PRH1: variants seen among roughly 807,000 people sequenced by gnomAD.
The protein encoded by PRH1 is proline rich protein HaeIII subfamily 1.
In PRH1, 7 loss-of-function variants were observed where a neutral mutation model predicts 7.9. The ratio of observed to expected loss-of-function variants is 0.89; its 90% CI spans 0.50 to 1.67. The LOEUF (loss-of-function observed/expected upper bound fraction) is 1.67, where lower values mean the gene tolerates loss of function less well. Among genes scored for constraint, PRH1 ranks in the 40% most tolerant of loss-of-function variants. The pLI is 0.00. For missense variants in PRH1, 109 were observed against 223.6 expected, an observed-to-expected ratio of 0.49 and a Z score of 3.27; for synonymous variants, 45 against 80.8, an observed-to-expected ratio of 0.56 and a Z score of 2.38.
At chr12:11,071,795 G>T (rs2136209125) in intron 1 of PRH1, among the ~76,000 whole-genome samples, 1 of 152,242 alleles carries the variant, frequency 6.6e-6, no homozygotes, top group East Asian at 1.9e-4. Flanking sequence ...CTCTGTCATT[G>T]AGTCAGGGTC....
chr12:10,939,973 A>G (rs973294200), intron 2 of PRH1, among the ~76,000 whole-genome samples: 2 of 152,214 alleles, frequency 1.3e-5, no homozygotes, highest in African/African-American at 2.4e-5. Context: ...CTGATACCTC[A>G]TAAATGTATG....
intron 1 of PRH1, among the ~76,000 whole-genome samples, chr12:11,121,458 G>A (rs1945900867): frequency 6.6e-6 from 1 of 152,176 alleles, no homozygotes; most frequent in African/African-American, 2.4e-5. Flanking sequence ...CAGGGGCTCA[G>A]AGGTGGCTAA....
chr12:11,044,744 C>G (rs1049988626), intron 1 of PRH1, among the ~76,000 whole-genome samples: 9 of 152,070 alleles, frequency 5.9e-5, no homozygotes, highest in Non-Finnish European at 1.5e-5. Context: ...CAAACCAAAA[C>G]TAAAATGAGA....
At chr12:10,924,377 C>A (rs913033339) in intron 2 of PRH1, among the ~76,000 whole-genome samples, 6 of 152,128 alleles carry the variant, frequency 3.9e-5, no homozygotes, top group African/African-American at 1.4e-4. Flanking sequence ...TACTTTTTTC[C>A]TCACGATTCT....
chr12:10,882,942 G>T, intron 2 of PRH1, 119 bp downstream of exon 2: 1 of 1,456,794 alleles, frequency 6.9e-7, no homozygotes, highest in Non-Finnish European at 9.5e-7. Context: ...TTGTATCTTT[G>T]GGGCATTGGT....
downstream of PRH1, among the ~76,000 whole-genome samples, chr12:11,116,526 A>C (rs2136314616): frequency 6.6e-6 from 1 of 152,204 alleles, no homozygotes; most frequent in African/African-American, 2.4e-5. Context: ...ATCCTACACA[A>C]ACTATTCTGA....
chr12:11,143,147 G>A (rs902961106), intron 1 of PRH1, among the ~76,000 whole-genome samples: 20 of 152,036 alleles, frequency 1.3e-4, no homozygotes, highest in African/African-American at 4.8e-4. Context: ...AACCTTTGAA[G>A]ATATAGACAG....
chr12:11,003,326 T>C (rs1425864873), intron 1 of PRH1, among the ~76,000 whole-genome samples: 1 of 151,964 alleles, frequency 6.6e-6, no homozygotes, highest in African/African-American at 2.4e-5. Flanking sequence ...CTAACATATG[T>C]AGGGAAAGCA....
chr12:10,959,543 C>T (rs1938136136), intron 2 of PRH1, among the ~76,000 whole-genome samples: 1 of 151,990 alleles, frequency 6.6e-6, no homozygotes, highest in African/African-American at 2.4e-5. Context: ...GAGAAAAAAA[C>T]TTAAGAAATA....
At chr12:10,886,164 G>A (rs1949489322), upstream of PRH1, among the ~76,000 whole-genome samples, 1 of 152,192 alleles carries the variant, frequency 6.6e-6, no homozygotes, top group South Asian at 2.1e-4. Context: ...ATGCGTTATG[G>A]AGATTATTGT....
At chr12:11,042,176 G>T (rs1253309625) in intron 1 of PRH1, among the ~76,000 whole-genome samples, 2 of 151,696 alleles carry the variant, frequency 1.3e-5, no homozygotes, top group Non-Finnish European at 2.9e-5. Flanking sequence ...AAAGATCAAT[G>T]AAACAAAAAC....
intron 1 of PRH1, among the ~76,000 whole-genome samples, chr12:11,025,735 T>C (rs1047231732): frequency 1.3e-5 from 2 of 152,300 alleles, no homozygotes; most frequent in African/African-American, 2.4e-5. Context: ...TTCCCTTCTA[T>C]GCTTCATTCT....
chr12:11,141,798 G>A (rs1946710695), intron 1 of PRH1, among the ~76,000 whole-genome samples: 1 of 151,998 alleles, frequency 6.6e-6, no homozygotes, highest in African/African-American at 2.4e-5. Flanking sequence ...GTTTTGGGTG[G>A]AGGGAGGGAG....
At chr12:11,100,133 TTAA>T (rs1945192707) in intron 1 of PRH1, among the ~76,000 whole-genome samples, 1 of 152,088 alleles carries the variant, frequency 6.6e-6, no homozygotes, top group African/African-American at 2.4e-5. Flanking sequence ...ATCAAAAACT[TTAA>T]TATTAAAATT....
At chr12:11,146,224 C>T (rs1328793896) in intron 1 of PRH1, among the ~76,000 whole-genome samples, 1 of 151,484 alleles carries the variant, frequency 6.6e-6, no homozygotes, top group East Asian at 1.9e-4. Context: ...CATTTTTTTT[C>T]TTTCAGTCTT....
intron 1 of PRH1, among the ~76,000 whole-genome samples, chr12:11,151,050 T>C (rs1592111606): frequency 6.6e-6 from 1 of 152,192 alleles, no homozygotes; most frequent in African/African-American, 2.4e-5. Context: ...TGCCTCTTGC[T>C]GGGCTGGCTG....
At position 10,987,701 on chromosome 12, in the gene PRH1, C is replaced by A. The variant is rs1032630593; in HGVS notation, c.-125-13980G>T. ...AAACTGAGGGTTTTCAGACCCCCCCCAAAAAAATGTATCAAACATCAAACA... is the reference window on the plus strand; with the variant it reads ...AAACTGAGGGTTTTCAGACCCCCCCAAAAAAAATGTATCAAACATCAAACA... On this transcript the variant is annotated intron_variant, in intron 1 of 3. Transcript: ENST00000539853. 3.7e-4 allele frequency among the ~76,000 whole-genome samples: 56 copies of A among 151,920 alleles called. 1 individual carries two copies. The highest frequency in any genetic ancestry group is 8.2e-4 in the African/African-American group (34 of 41,390).
intron 1 of PRH1, among the ~76,000 whole-genome samples, chr12:11,145,086 A>G (rs988602105): frequency 4.6e-5 from 7 of 152,178 alleles, no homozygotes; most frequent in Non-Finnish European, 1.0e-4. Context: ...TAGAGCTGCA[A>G]TCTAGTCCTG....
chr12:11,112,787 G>A (rs1300234110), intron 1 of PRH1, among the ~76,000 whole-genome samples: 2 of 152,118 alleles, frequency 1.3e-5, no homozygotes, highest in Non-Finnish European at 2.9e-5. Context: ...CATAGTATTG[G>A]AAATTCTGGC....
Sources: gnomAD v4.1 joint callset for allele counts (sites outside exome capture counted in the v4.1 genomes callset) on GRCh38, gnomAD v4.1.1 for gene constraint, MANE v1.5 for transcripts, NCBI Gene and HGNC (gene_info 2026-07-23, HGNC 2026-07-21) for gene names.